ANO3: variants seen among roughly 807,000 people sequenced by gnomAD.
The protein encoded by ANO3 is anoctamin-3.
ANO3 carries 99 observed loss-of-function variants against 144.8 expected under a neutral mutation model. The ratio of observed to expected loss-of-function variants is 0.68; its 90% CI spans 0.58 to 0.81. The LOEUF (loss-of-function observed/expected upper bound fraction) is 0.81. Ranked by LOEUF, ANO3 falls within the 30% of genes least tolerant of loss-of-function variation. The pLI, the probability that ANO3 is intolerant of heterozygous loss-of-function variation, is 0.00. For missense variants in ANO3, 905 were observed against 1,202.2 expected (o/e 0.75, Z 3.66); for synonymous variants, 414 against 392.6 (o/e 1.05, Z -0.64).
Position 26,647,774 on chromosome 11 carries a change from G to T in ANO3, c.2494G>T (p.Ala832Ser), listed in dbSNP as rs773239517. ...TGTGATCACCAATGCATTTGTAATT[G>T]CTATTACTTCTGATTACATCCCACG... ...LAVITNAFVI[A>S]ITSDYIPRFV... The change falls in exon 24 of 27, where the codon GCT becomes TCT. Residue 832 changes from alanine (A) to serine (S), a missense_variant. By Grantham distance (99) the Ala-to-Ser change is moderately conservative. Transcript: ENST00000256737. 2 of 1,612,736 alleles carry T rather than the reference G, an allele frequency of 1.2e-6. No homozygotes were observed. Among genetic ancestry groups the T allele is most frequent in the South Asian group, 2.2e-5 (2 of 90,876 alleles).
At chr11:26,249,305 A>T (rs1852872267) in intron 1 of ANO3, among the ~76,000 whole-genome samples, 1 of 152,234 alleles carries the variant, frequency 6.6e-6, no homozygotes, top group South Asian at 2.1e-4. Context: ...GTTACTTAAA[A>T]AAAGAATGTA....
chr11:26,227,283 A>G (rs902597824), intron 1 of ANO3, among the ~76,000 whole-genome samples: 5 of 152,202 alleles, frequency 3.3e-5, no homozygotes, highest in Admixed American at 6.5e-5. Context: ...GAAAATTTAT[A>G]CTGTTGTCTC....
chr11:26,303,972 C>T (rs911652616), intron 1 of ANO3, among the ~76,000 whole-genome samples: 7 of 152,126 alleles, frequency 4.6e-5, no homozygotes, highest in African/African-American at 1.7e-4. Context: ...CTCAGCCTCC[C>T]AAAGTGCTAG....
intron 18 of ANO3, among the ~76,000 whole-genome samples, chr11:26,628,846 G>C (rs920770769): frequency 2.0e-5 from 3 of 152,114 alleles, no homozygotes; most frequent in Admixed American, 2.0e-4. Context: ...GGAATTATTG[G>C]GATAGCTGGT....
chr11:26,241,505 T>G (rs1852663866), intron 1 of ANO3, among the ~76,000 whole-genome samples: 1 of 152,138 alleles, frequency 6.6e-6, no homozygotes. Flanking sequence ...TATACCAACT[T>G]TGTACAAATT....
chr11:26,244,190 A>G (rs1002447108), intron 1 of ANO3, among the ~76,000 whole-genome samples: 15 of 152,008 alleles, frequency 9.9e-5, no homozygotes, highest in African/African-American at 3.6e-4. Context: ...GAGGCTTGGG[A>G]ACTACTATCT....
At chr11:26,286,012 T>G (rs1853798597) in intron 1 of ANO3, 1 of 152,200 alleles carries the variant, frequency 6.6e-6, no homozygotes, top group Non-Finnish European at 1.5e-5. Flanking sequence ...AGATTTCATG[T>G]GTTGCCTCCT....
At chr11:26,189,147 T>A in exon 1 of ANO3, 3 of 965,204 alleles carry the variant, frequency 3.1e-6, no homozygotes, top group Non-Finnish European at 3.7e-6. Context: ...GTGTGAACTT[T>A]ACTTTACATA....
chr11:26,372,294 T>C (rs1856283640), intron 1 of ANO3, among the ~76,000 whole-genome samples: 1 of 152,198 alleles, frequency 6.6e-6, no homozygotes, highest in Non-Finnish European at 1.5e-5. Flanking sequence ...CTGCCATGAG[T>C]GTAAGTTTCC....
intron 1 of ANO3, among the ~76,000 whole-genome samples, chr11:26,205,725 T>C (rs1386417676): frequency 6.6e-6 from 1 of 152,184 alleles, no homozygotes; most frequent in Non-Finnish European, 1.5e-5. Context: ...AACGGTATAC[T>C]GTATAGTCAT....
chr11:26,443,902 A>T, intron 3 of ANO3, 66 bp downstream of exon 3: 1 of 1,118,814 alleles, frequency 8.9e-7, no homozygotes, highest in South Asian at 1.5e-5. Flanking sequence ...TGTTCTTCTA[A>T]AAAAAACTAG....
In ANO3 at chr11:26,561,207, G is replaced by T. The variant is rs759346265; in HGVS notation, c.1447+1428G>T. On this transcript the variant is annotated intron_variant, in intron 14 of 26. Coordinates refer to ENST00000256737, the MANE Select transcript of ANO3 (RefSeq NM_031418.4). ...AAAACTCACATCATAAGGTTCCGGT[G>T]CATTGTCTAATCGCAGAACTAAAAA... 1.9e-6 allele frequency: 3 copies of T among 1,608,632 alleles called. No individual in the cohort carries two copies. Among genetic ancestry groups the T allele is most frequent in the African/African-American group, 1.3e-5 (1 of 74,494 alleles).
chr11:26,408,355 C>T (rs1301518684), intron 1 of ANO3, among the ~76,000 whole-genome samples: 1 of 151,716 alleles, frequency 6.6e-6, no homozygotes. Flanking sequence ...ATTTATGCAG[C>T]CAAAAAACAC....
intron 1 of ANO3, among the ~76,000 whole-genome samples, chr11:26,371,304 A>G (rs1856248633): frequency 6.6e-6 from 1 of 152,220 alleles, no homozygotes; most frequent in Non-Finnish European, 1.5e-5. Flanking sequence ...CACAAAAGAC[A>G]ATATTTGCAT....
chr11:26,268,599 T>C (rs1230396019), intron 1 of ANO3, among the ~76,000 whole-genome samples: 3 of 152,078 alleles, frequency 2.0e-5, no homozygotes, highest in Non-Finnish European at 1.5e-5. Flanking sequence ...TAATACTTAC[T>C]TATTGGCTTT....
intron 1 of ANO3, among the ~76,000 whole-genome samples, chr11:26,352,213 G>T (rs1459162303): frequency 1.3e-5 from 2 of 152,108 alleles, no homozygotes; most frequent in South Asian, 2.1e-4. Context: ...TACTACCCAA[G>T]AACTCATTTC....
intron 1 of ANO3, among the ~76,000 whole-genome samples, chr11:26,382,558 G>C (rs1253014099): frequency 6.6e-6 from 1 of 152,098 alleles, no homozygotes; most frequent in Non-Finnish European, 1.5e-5. Flanking sequence ...TGGTACCTAA[G>C]AAGCATCAGT....
chr11:26,603,622 A>G lies in ANO3; in HGVS notation c.1836+3908A>G, dbSNP rs537186425. Among the ~76,000 whole-genome samples, 6 of 152,094 alleles carry G rather than the reference A, an allele frequency of 3.9e-5. No individual in the cohort carries two copies. The East Asian group carries it at 1.2e-3, about 30-fold the overall frequency. Reference sequence around the variant, plus strand: ...ATTTAAGAACATGAAATACAGTTATATAAGGATATAAAAGTTTACTTGATT... The same window carrying G: ...ATTTAAGAACATGAAATACAGTTATGTAAGGATATAAAAGTTTACTTGATT... On this transcript the variant is annotated intron_variant, in intron 17 of 26. Coordinates refer to ENST00000256737, the MANE Select transcript of ANO3 (RefSeq NM_031418.4).
At position 26,662,834 on chromosome 11, in the gene ANO3, G is replaced by A. The variant is rs1439983798; in HGVS notation, c.*2390G>A. ...GTAAATACTGACAGCCCCTTGCAGT[G>A]TGTTAGTTTTAGATCACTCTGTTTT... On this transcript the variant is annotated 3_prime_UTR_variant, in exon 27 of 27. Coordinates refer to ENST00000256737, the MANE Select transcript of ANO3 (RefSeq NM_031418.4). 1 of 152,342 alleles carries A rather than the reference G, an allele frequency of 6.6e-6. No individual in the cohort carries two copies. Among genetic ancestry groups the A allele is most frequent in the African/African-American group, 2.4e-5 (1 of 41,398 alleles). 9.4% of individuals were successfully genotyped at this position (152,342 alleles called of 1,614,324 possible).
Sources: gnomAD v4.1 joint callset for allele counts (sites outside exome capture counted in the v4.1 genomes callset) on GRCh38, gnomAD v4.1.1 for gene constraint, MANE v1.5 for transcripts, NCBI Gene and HGNC (gene_info 2026-07-23, HGNC 2026-07-21) for gene names.